The following CRYBA4 variants were observed in gnomAD, a reference collection of about 807,000 sequenced individuals.
CRYBA4 encodes the protein crystallin beta A4.
A neutral mutation model predicts 31.7 loss-of-function variants in CRYBA4; 30 were observed. The ratio of observed to expected loss-of-function variants is 0.95; its 90% CI spans 0.71 to 1.28. CRYBA4 has a LOEUF of 1.28. Among genes scored for constraint, CRYBA4 ranks in the 50% most tolerant of loss-of-function variants. CRYBA4 has a pLI of 0.00. For synonymous variants in CRYBA4, 102 were observed against 102.3 expected (o/e 1.00, Z 0.02); for missense variants, 225 against 260.7 (o/e 0.86, Z 0.94).
chr22:26,605,929 C>A, the CRYBA4 span, among the ~76,000 whole-genome samples: 1 of 152,046 alleles, frequency 6.6e-6, no homozygotes, highest in Non-Finnish European at 1.5e-5. Context: ...ATTTAACCTG[C>A]GGCCTGCAGG....
At chr22:26,611,257 T>C in the CRYBA4 span, among the ~76,000 whole-genome samples, 1 of 152,170 alleles carries the variant, frequency 6.6e-6, no homozygotes, top group South Asian at 2.1e-4. Flanking sequence ...ATCTGTCAAG[T>C]GGGCATAAGA....
intron 3 of CRYBA4, among the ~76,000 whole-genome samples, chr22:26,624,853 C>T (rs1194055542): frequency 3.3e-5 from 5 of 152,200 alleles, no homozygotes; most frequent in Non-Finnish European, 5.9e-5. Flanking sequence ...CATGCTTCAA[C>T]GATAGCTTGC....
At chr22:26,612,554 T>C in the CRYBA4 span, among the ~76,000 whole-genome samples, 16 of 152,216 alleles carry the variant, frequency 1.1e-4, no homozygotes, top group Non-Finnish European at 2.2e-4. Flanking sequence ...GATTTTGCCA[T>C]GTTGCTCAGG....
chr22:26,619,941 T>C (rs976557107), upstream of CRYBA4, among the ~76,000 whole-genome samples: 2 of 152,196 alleles, frequency 1.3e-5, no homozygotes, highest in African/African-American at 4.8e-5. Context: ...TCCTTCATTA[T>C]ATCTTTTTCT....
rs761694728 is a variant in CRYBA4, at chr22:26,630,435, G to A, written c.539G>A (p.Gly180Asp). 3.7e-6 allele frequency: 6 copies of A among 1,614,096 alleles called. No homozygotes were observed. The highest frequency in any genetic ancestry group is 1.7e-5 in the Admixed American group (1 of 60,026). ...SGDYKHFREWGSHAPTFQVQS... is the reference protein window; with the variant it reads ...SGDYKHFREWDSHAPTFQVQS... ...GACTACAAACATTTCCGGGAGTGGG[G>A]CTCTCATGCCCCGACCTTCCAGGTG... The change falls in exon 6 of 6, where the codon GGC becomes GAC. Residue 180 changes from glycine (G) to aspartate (D), a missense_variant. By Grantham distance (94) the Gly-to-Asp change is moderately conservative (BLOSUM62 -1). Coordinates refer to ENST00000354760, the MANE Select transcript of CRYBA4 (RefSeq NM_001886.3).
At chr22:26,591,466 C>A in the CRYBA4 span, among the ~76,000 whole-genome samples, 488 of 112,100 alleles carry the variant, frequency 4.4e-3, no homozygotes, top group Middle Eastern at 0.011. Context: ...GACTCTGTCT[C>A]AAAAAAAAAA....
chr22:26,630,565 C>T lies in CRYBA4; in HGVS notation c.*78C>T. ...TCTGGAGGCTGTGGTGTGTTCTCTC[C>T]TTCTGCCTCCCCCTGTAACCTGTGT... On this transcript the variant is annotated 3_prime_UTR_variant, in exon 6 of 6. Coordinates refer to ENST00000354760, the MANE Select transcript of CRYBA4 (RefSeq NM_001886.3). The T allele has an allele frequency of 7.9e-7, 1 of 1,271,552 alleles. No individual in the cohort carries two copies. Among genetic ancestry groups the T allele is most frequent in the Admixed American group, 1.9e-5 (1 of 51,360 alleles). The allele number at this position is 1,271,552 out of a possible 1,614,324, so 78.8% of individuals were successfully genotyped here.
In CRYBA4 at chr22:26,623,262, A is replaced by AGGGCC; in HGVS notation, c.71_75dup (p.Arg26AlafsTer24). The AGGGCC allele has an allele frequency of 6.2e-7, 1 of 1,613,572 alleles. No homozygotes were observed. On this transcript the variant is annotated frameshift_variant, in exon 3 of 6. Coordinates refer to ENST00000354760, the MANE Select transcript of CRYBA4 (RefSeq NM_001886.3). LOFTEE classifies it high-confidence loss of function. ...GTGGTGTGGGATGAGGACGGCTTCC[A>AGGGCC]GGGCCGGCGGCACGAGTTCACGGCC... is the stretch of plus-strand genomic sequence containing the variant.
intron 4 of CRYBA4, 106 bp downstream of exon 4, chr22:26,625,728 G>A: frequency 1.8e-6 from 2 of 1,142,236 alleles, no homozygotes; most frequent in Admixed American, 3.7e-5. Flanking sequence ...ACTTCAAGCT[G>A]TGTGACAAGG....
chr22:26,610,015 C>G, the CRYBA4 span, among the ~76,000 whole-genome samples: 9 of 150,274 alleles, frequency 6.0e-5, no homozygotes, highest in Admixed American at 2.0e-4. Flanking sequence ...GTCTAGGCTT[C>G]TGGAAAAACA....
chr22:26,612,534 G>A, the CRYBA4 span, among the ~76,000 whole-genome samples: 2 of 152,156 alleles, frequency 1.3e-5, no homozygotes, highest in Admixed American at 6.6e-5. Flanking sequence ...GCTATTTTTT[G>A]TAGAGACAGG....
At chr22:26,601,855 G>A in the CRYBA4 span, 10 of 1,611,478 alleles carry the variant, frequency 6.2e-6, no homozygotes, top group African/African-American at 4.0e-5. Context: ...CAGGGGACGC[G>A]GACCTGGCAG....
chr22:26,625,225 A>G lies in CRYBA4; in HGVS notation c.159-256A>G, dbSNP rs2071861. Among the ~76,000 whole-genome samples the G allele has an allele frequency of 0.27, 41,710 of 152,036 alleles. 6,515 individuals carry two copies. Among genetic ancestry groups the G allele is most frequent in the East Asian group, 0.49 (2,514 of 5,146 alleles). On this transcript the variant is annotated intron_variant, in intron 3 of 5. Coordinates refer to ENST00000354760, the MANE Select transcript of CRYBA4 (RefSeq NM_001886.3). ...CGCTACTGATGTTTCGGGCTGGATC[A>G]TCCTTTGCAGGGAAGGCTGGCCTGT...
upstream of CRYBA4, among the ~76,000 whole-genome samples, chr22:26,619,885 C>T (rs549747449): frequency 2.0e-5 from 3 of 152,364 alleles, no homozygotes; most frequent in East Asian, 3.9e-4. Flanking sequence ...GGGGATGGCC[C>T]ACCATGTTGG....
the CRYBA4 span, chr22:26,611,964 A>AT: frequency 1.2e-6 from 1 of 800,776 alleles, no homozygotes; most frequent in African/African-American, 1.7e-5. Flanking sequence ...ATGTGCCAGG[A>AT]GTACGAACGG....
At chr22:26,622,505 C>A in intron 1 of CRYBA4, 80 bp from the exon 2 acceptor site, 1 of 1,269,714 alleles carries the variant, frequency 7.9e-7, no homozygotes, top group South Asian at 1.2e-5. Context: ...TGGATCCTGA[C>A]CAGGTCCAAG....
Position 26,622,612 on chromosome 22 carries a change from A to G in CRYBA4, c.16A>G (p.Thr6Ala). The G allele has an allele frequency of 6.2e-7, 1 of 1,613,690 alleles. No homozygotes were observed. Among genetic ancestry groups the G allele is most frequent in the Non-Finnish European group, 8.5e-7 (1 of 1,179,780 alleles). The part of the protein sequence containing the change: MTLQC[T>A]KSAGPWKMVV... ...AGGGGCCACAATGACCCTGCAATGC[A>G]CAAAGTCAGCGGGACCCTGGAAGGT... Residue 6 changes from threonine (T) to alanine (A), a missense_variant, in exon 2 of 6, where the codon ACA becomes GCA. Physicochemically the swap from Thr to Ala is moderately conservative, Grantham distance 58 (BLOSUM62 0). Coordinates refer to ENST00000354760, the MANE Select transcript of CRYBA4 (RefSeq NM_001886.3).
chr22:26,620,440 T>A (rs1929497270), upstream of CRYBA4, among the ~76,000 whole-genome samples: 2 of 152,016 alleles, frequency 1.3e-5, no homozygotes, highest in South Asian at 4.1e-4. Context: ...GTAAGTAACA[T>A]GCTTAAAAGT....
the CRYBA4 span, chr22:26,599,669 C>T: frequency 6.2e-7 from 1 of 1,613,928 alleles, no homozygotes; most frequent in Admixed American, 1.7e-5. Context: ...TGATAGCCAA[C>T]CCATCTGAGA....
Sources: allele counts gnomAD v4.1 joint callset (sites outside exome capture counted in the v4.1 genomes callset), GRCh38; gene constraint gnomAD v4.1.1; transcripts MANE v1.5; gene names NCBI Gene and HGNC (gene_info 2026-07-23, HGNC 2026-07-21).